Variants in TMEM163 observed in about 807,000 individuals in gnomAD.
The protein encoded by TMEM163 is transmembrane protein 163.
In TMEM163, 17 loss-of-function variants were observed where a neutral mutation model predicts 29.3. The ratio of observed to expected loss-of-function variants is 0.58; its 90% CI spans 0.40 to 0.87. TMEM163 has a LOEUF of 0.87. Ranked by LOEUF, TMEM163 falls within the 40% of genes least tolerant of loss-of-function variation. The probability of loss-of-function intolerance (pLI) is 0.00; values close to 1 mark genes in which losing one functional copy is unlikely to be tolerated. For missense variants in TMEM163, 303 were observed against 381.5 expected (o/e 0.79, Z 1.71); for synonymous variants, 157 against 160.6 (o/e 0.98, Z 0.17).
chr2:134,583,445 C>A (rs931351343), intron 2 of TMEM163, among the ~76,000 whole-genome samples: 1 of 152,170 alleles, frequency 6.6e-6, no homozygotes, highest in African/African-American at 2.4e-5. Context: ...TAAGAAGAGG[C>A]TCCTAGAGTT....
At chr2:134,542,536 C>T (rs571269465) in intron 4 of TMEM163, among the ~76,000 whole-genome samples, 13 of 152,328 alleles carry the variant, frequency 8.5e-5, no homozygotes, top group African/African-American at 3.1e-4. Context: ...CGCATTACCG[C>T]CTGGGCTCCA....
chr2:134,611,265 C>G (rs973706798), intron 2 of TMEM163, among the ~76,000 whole-genome samples: 3 of 152,120 alleles, frequency 2.0e-5, no homozygotes, highest in Non-Finnish European at 2.9e-5. Context: ...ATTCATTCAA[C>G]AATGAATAGA....
intron 2 of TMEM163, among the ~76,000 whole-genome samples, chr2:134,710,911 T>C (rs1300775271): frequency 6.6e-6 from 1 of 152,170 alleles, no homozygotes; most frequent in Non-Finnish European, 1.5e-5. Flanking sequence ...AAAATACGAA[T>C]TGATGCAACT....
At chr2:134,642,335 G>A (rs555656950) in intron 2 of TMEM163, among the ~76,000 whole-genome samples, 122 of 151,906 alleles carry the variant, frequency 8.0e-4, no homozygotes, top group African/African-American at 2.8e-3. Flanking sequence ...TCATCATGTC[G>A]GCCAGGTTGG....
At position 134,459,431 on chromosome 2, in the gene TMEM163, G is replaced by A. The variant is rs535467360; in HGVS notation, c.668-1258C>T. 3.3e-5 allele frequency among the ~76,000 whole-genome samples: 3 copies of A among 92,004 alleles called. No individual in the cohort carries two copies. In the East Asian group the frequency reaches 1.2e-3, roughly 38 times the overall value. The allele number at this position is 92,004 out of a possible 152,430, so 60.4% of individuals were successfully genotyped here. On this transcript the variant is annotated intron_variant, in intron 6 of 7. Transcript: ENST00000281924. Reference sequence around the variant, plus strand: ...CCACCACCCACCTGTAACTGTTCCTGTAACAGGAACAAGGGCTGGTTCTTG... The same window carrying A: ...CCACCACCCACCTGTAACTGTTCCTATAACAGGAACAAGGGCTGGTTCTTG...
chr2:134,552,093 T>C lies in TMEM163; in HGVS notation c.323-2A>G. ...CGCTGTACCTCATAACGGAGACAGC[T>C]AAAAAGAAAGAAAATATTATTCAGA... On this transcript the variant is annotated splice_acceptor_variant, in intron 2 of 7. Coordinates refer to ENST00000281924, the MANE Select transcript of TMEM163 (RefSeq NM_030923.5). LOFTEE classifies it high-confidence loss of function. 6.2e-7 allele frequency: 1 copy of C among 1,611,314 alleles called. No individual in the cohort carries two copies. Among genetic ancestry groups the C allele is most frequent in the South Asian group, 1.1e-5 (1 of 90,698 alleles).
At chr2:134,474,820 A>C (rs1191202846) in intron 5 of TMEM163, among the ~76,000 whole-genome samples, 1 of 152,172 alleles carries the variant, frequency 6.6e-6, no homozygotes, top group Non-Finnish European at 1.5e-5. Context: ...TGTGCACTGA[A>C]AACTACAAAA....
Position 134,460,429 on chromosome 2 carries a change from C to T in TMEM163, c.668-2256G>A, listed in dbSNP as rs551786858. On this transcript the variant is annotated intron_variant, in intron 6 of 7. Transcript: ENST00000281924. The surrounding 1 kb of genome is among the most constrained non-coding windows in gnomAD (Gnocchi z 4.3). ...CAGGCGAGCTTTGCCATTTTAACCG[C>T]CCCCCTCCTCTCACTGGAAACCTAA... Among the ~76,000 whole-genome samples the T allele has an allele frequency of 4.6e-5, 7 of 152,288 alleles. No homozygotes were observed. The East Asian group carries it at 1.3e-3, about 29-fold the overall frequency.
rs1159013721 is a variant in TMEM163, at chr2:134,493,362, C to CTTTTTTTTTTTTTTTTTT, written c.555+9521_555+9538dup. On this transcript the variant is annotated intron_variant, in intron 5 of 7. Transcript: ENST00000281924. ...GACTTATGGTTCAAGCTTTTGGTGT[C>CTTTTTTTTTTTTTTTTTT]TTTTTTTTTTTTTTTTTTTTTTTTT... Among the ~76,000 whole-genome samples, 6 of 49,850 alleles carry CTTTTTTTTTTTTTTTTTT rather than the reference C, an allele frequency of 1.2e-4. 2 individuals are homozygous for CTTTTTTTTTTTTTTTTTT. The highest frequency in any genetic ancestry group is 5.3e-4 in the African/African-American group (6 of 11,232). The allele number at this position is 49,850 out of a possible 152,430, so 32.7% of individuals were successfully genotyped here.
intron 2 of TMEM163, among the ~76,000 whole-genome samples, chr2:134,585,614 C>G (rs561128730): frequency 6.6e-6 from 1 of 152,054 alleles, no homozygotes; most frequent in Non-Finnish European, 1.5e-5. Flanking sequence ...CGGTGGCGGG[C>G]ACCTGTAGTC....
chr2:134,589,496 T>TTATA (rs1681894476), intron 2 of TMEM163, among the ~76,000 whole-genome samples: 1 of 152,114 alleles, frequency 6.6e-6, no homozygotes, highest in African/African-American at 2.4e-5. Context: ...TATACACTAA[T>TTATA]TATAATGTTT....
intron 4 of TMEM163, among the ~76,000 whole-genome samples, chr2:134,528,333 A>T (rs1379463462): frequency 6.6e-6 from 1 of 152,206 alleles, no homozygotes; most frequent in African/African-American, 2.4e-5. Flanking sequence ...AAAATGAAAA[A>T]CATTTTGTTC....
At chr2:134,503,751 A>G (rs1679754058) in intron 4 of TMEM163, among the ~76,000 whole-genome samples, 2 of 152,134 alleles carry the variant, frequency 1.3e-5, no homozygotes. Context: ...CAGTGAGGCC[A>G]AGGGTGAAGT....
At chr2:134,687,244 G>A (rs896813756) in intron 2 of TMEM163, among the ~76,000 whole-genome samples, 5 of 152,078 alleles carry the variant, frequency 3.3e-5, no homozygotes, top group Non-Finnish European at 7.4e-5. Context: ...ATGCCAAAAC[G>A]TGATGGCTTT....
At chr2:134,644,826 A>T (rs1333341759) in intron 2 of TMEM163, among the ~76,000 whole-genome samples, 1 of 152,198 alleles carries the variant, frequency 6.6e-6, no homozygotes, top group Non-Finnish European at 1.5e-5. Context: ...AGAATGAAAA[A>T]AACAAGCTAC....
intron 2 of TMEM163, among the ~76,000 whole-genome samples, chr2:134,639,255 T>C (rs1239416235): frequency 6.6e-6 from 1 of 152,176 alleles, no homozygotes; most frequent in Non-Finnish European, 1.5e-5. Context: ...GGAAGACTGT[T>C]TGGCATTCGT....
chr2:134,561,586 C>G (rs566608649), intron 2 of TMEM163, among the ~76,000 whole-genome samples: 19 of 152,134 alleles, frequency 1.2e-4, no homozygotes, highest in Non-Finnish European at 2.8e-4. Flanking sequence ...CCTGACCTCG[C>G]GATCCGCCTG....
chr2:134,508,312 C>T (rs955851145), intron 4 of TMEM163, among the ~76,000 whole-genome samples: 6 of 152,194 alleles, frequency 3.9e-5, no homozygotes, highest in East Asian at 3.9e-4. Flanking sequence ...CACAGTTTAA[C>T]GTGTAATTGT....
intron 4 of TMEM163, among the ~76,000 whole-genome samples, chr2:134,510,540 C>T (rs931584284): frequency 2.0e-5 from 3 of 152,038 alleles, no homozygotes; most frequent in African/African-American, 7.3e-5. Flanking sequence ...TACGCACGGG[C>T]CATGACAGCT....
Sources: gnomAD v4.1 joint callset for allele counts (sites outside exome capture counted in the v4.1 genomes callset) on GRCh38, gnomAD v4.1.1 for gene constraint, Gnocchi (gnomAD v3.1) non-coding constraint, MANE v1.5 for transcripts, NCBI Gene and HGNC (gene_info 2026-07-23, HGNC 2026-07-21) for gene names.